The following UBAP1 variants were observed in gnomAD, a reference collection of about 807,000 sequenced individuals.
UBAP1 encodes the protein ubiquitin associated protein 1.
In UBAP1, 5 loss-of-function variants were observed where a neutral mutation model predicts 39.0. The ratio of observed to expected loss-of-function variants is 0.13; its 90% confidence interval spans 0.07 to 0.27. UBAP1 has a LOEUF of 0.27. UBAP1 is among the 10% of genes least tolerant of loss of function. The pLI, the probability that UBAP1 is intolerant of heterozygous loss-of-function variation, is 1.00. For synonymous variants in UBAP1, 211 were observed against 225.1 expected (o/e 0.94, Z 0.56); for missense variants, 490 against 608.1 (o/e 0.81, Z 2.04).
At chr9:34,182,615 C>CTTT (rs1830107641) in intron 1 of UBAP1, among the ~76,000 whole-genome samples, 4 of 145,144 alleles carry the variant, frequency 2.8e-5, no homozygotes, top group Non-Finnish European at 6.0e-5. Flanking sequence ...TTCTTTCTTT[C>CTTT]CTTCTTTCTT....
chr9:34,224,421 C>A (rs1205375498), intron 2 of UBAP1: 3 of 404,096 alleles, frequency 7.4e-6, no homozygotes, highest in Non-Finnish European at 1.4e-5. Flanking sequence ...AAATACAACG[C>A]TGAGCCCCAG....
chr9:34,198,666 C>A lies in UBAP1; in HGVS notation c.-8+19426C>A, dbSNP rs1037958422. On this transcript the variant is annotated intron_variant, in intron 1 of 6. Coordinates refer to ENST00000297661, the MANE Select transcript of UBAP1 (RefSeq NM_016525.5). ...ATACTGTTTGCTGTGAGCCCCACCC[C>A]CTTCTTTGTTCCTAGCTGACTCCAG... Among the ~76,000 whole-genome samples the A allele has an allele frequency of 2.0e-5, 3 of 152,264 alleles. No homozygotes were observed. In the South Asian group the frequency reaches 6.2e-4, roughly 32 times the overall value.
chr9:34,218,809 T>C (rs961892181), intron 1 of UBAP1, among the ~76,000 whole-genome samples: 2 of 152,074 alleles, frequency 1.3e-5, no homozygotes, highest in Non-Finnish European at 2.9e-5. Context: ...GATGGCACAC[T>C]CCTGTAATCC....
At chr9:34,224,034 T>C (rs1832905320) in intron 2 of UBAP1, 1 of 524,734 alleles carries the variant, frequency 1.9e-6, no homozygotes. Context: ...TCCAACTCCT[T>C]CCCCTCTAGC....
At chr9:34,210,154 T>C (rs1831935805) in intron 1 of UBAP1, among the ~76,000 whole-genome samples, 1 of 152,178 alleles carries the variant, frequency 6.6e-6, no homozygotes, top group South Asian at 2.1e-4. Context: ...GCTATTGAAA[T>C]GTTCCTCAGT....
At chr9:34,208,506 G>A (rs943132957) in intron 1 of UBAP1, among the ~76,000 whole-genome samples, 7 of 149,740 alleles carry the variant, frequency 4.7e-5, no homozygotes, top group African/African-American at 1.2e-4. Context: ...AGCCGGGCGC[G>A]GTGGCTCACG....
At chr9:34,197,311 A>T (rs964172028) in intron 1 of UBAP1, among the ~76,000 whole-genome samples, 30 of 146,416 alleles carry the variant, frequency 2.0e-4, no homozygotes, top group African/African-American at 4.3e-4. Flanking sequence ...TTTTATTAAA[A>T]TTTTTTTTTT....
intron 2 of UBAP1, among the ~76,000 whole-genome samples, chr9:34,221,636 T>G (rs1413427752): frequency 1.3e-5 from 2 of 152,104 alleles, no homozygotes; most frequent in Non-Finnish European, 2.9e-5. Context: ...GTTAATGCTT[T>G]ATAATGTTTT....
chr9:34,224,909 A>G (rs1832964979), intron 2 of UBAP1, among the ~76,000 whole-genome samples: 1 of 152,194 alleles, frequency 6.6e-6, no homozygotes, highest in African/African-American at 2.4e-5. Flanking sequence ...TTCAGTTCAT[A>G]GACTTGCTTT....
intron 1 of UBAP1, among the ~76,000 whole-genome samples, chr9:34,181,667 C>T (rs1367887750): frequency 1.4e-5 from 2 of 145,412 alleles, no homozygotes; most frequent in Non-Finnish European, 3.0e-5. Context: ...CTCCTGACCT[C>T]GTGATCCGCC....
chr9:34,216,642 A>ATTTTTTT (rs57204146), intron 1 of UBAP1, among the ~76,000 whole-genome samples: 5 of 70,184 alleles, frequency 7.1e-5, no homozygotes, highest in African/African-American at 2.5e-4. Flanking sequence ...CACCATGCTA[A>ATTTTTTT]TTTTTTTTTT....
chr9:34,193,947 C>T (rs1587798901), intron 1 of UBAP1, among the ~76,000 whole-genome samples: 1 of 152,088 alleles, frequency 6.6e-6, no homozygotes, highest in African/African-American at 2.4e-5. Context: ...TTTCTTGGGG[C>T]AGGTGAAAGT....
intron 4 of UBAP1, among the ~76,000 whole-genome samples, chr9:34,249,183 A>G (rs1016580702): frequency 6.6e-6 from 1 of 152,090 alleles, no homozygotes; most frequent in Admixed American, 6.6e-5. Flanking sequence ...GAAACGAAGC[A>G]CAGTACATGA....
chr9:34,221,826 G>A (rs1832777442), intron 2 of UBAP1, among the ~76,000 whole-genome samples: 1 of 152,104 alleles, frequency 6.6e-6, no homozygotes, highest in African/African-American at 2.4e-5. Context: ...ATCTGCCTTT[G>A]GAGGGGAATG....
chr9:34,236,046 G>C (rs1268779710), intron 3 of UBAP1, among the ~76,000 whole-genome samples: 2 of 151,864 alleles, frequency 1.3e-5, no homozygotes, highest in Admixed American at 6.6e-5. Context: ...TTTTAGTGGA[G>C]TCAGGGTTTC....
At chr9:34,190,448 C>T (rs1335858486) in intron 1 of UBAP1, among the ~76,000 whole-genome samples, 1 of 151,868 alleles carries the variant, frequency 6.6e-6, no homozygotes, top group African/African-American at 2.4e-5. Context: ...TGCCACCATG[C>T]CTGGCTAAAT....
At chr9:34,179,698 A>G (rs1829907037) in intron 1 of UBAP1, among the ~76,000 whole-genome samples, 1 of 151,978 alleles carries the variant, frequency 6.6e-6, no homozygotes, top group African/African-American at 2.4e-5. Context: ...TGGAGACTAG[A>G]CCAGAGGTGA....
At chr9:34,198,138 G>A (rs1168255616) in intron 1 of UBAP1, among the ~76,000 whole-genome samples, 2 of 152,168 alleles carry the variant, frequency 1.3e-5, no homozygotes, top group Non-Finnish European at 2.9e-5. Flanking sequence ...GAGGTTAGGA[G>A]GGGCAGCTGG....
intron 4 of UBAP1, 78 bp downstream of exon 4, chr9:34,242,186 AT>A: frequency 1.4e-6 from 2 of 1,429,408 alleles, no homozygotes; most frequent in Non-Finnish European, 1.9e-6. Flanking sequence ...TGTTTGGTTG[AT>A]TTTTTTCGAG....
Sources: allele counts gnomAD v4.1 joint callset (sites outside exome capture counted in the v4.1 genomes callset), GRCh38; gene constraint gnomAD v4.1.1; transcripts MANE v1.5; gene names NCBI Gene and HGNC (gene_info 2026-07-23, HGNC 2026-07-21).